The following NT5DC2 variants were observed in gnomAD, a reference collection of about 807,000 sequenced individuals.
NT5DC2 encodes 5'-nucleotidase domain containing 2.
Under a neutral mutation model 70.0 loss-of-function variants are expected in NT5DC2, and 41 were observed. That is an observed-to-expected ratio of 0.59 (90% CI 0.46 to 0.76). NT5DC2 has a LOEUF of 0.76. NT5DC2 is among the 30% of genes least tolerant of loss of function. The pLI is 0.00. For missense variants in NT5DC2, 705 were observed against 783.2 expected (o/e 0.90, Z 1.19); for synonymous variants, 299 against 310.4 (o/e 0.96, Z 0.39).
rs558123459 is a variant in NT5DC2 at position 52,529,788 on chromosome 3, C to T, written c.233-454G>A. 115 of 196,146 alleles carry T rather than the reference C, an allele frequency of 5.9e-4. No homozygotes were observed. In the Middle Eastern group the frequency reaches 0.012, roughly 20 times the overall value. The allele number at this position is 196,146 out of a possible 1,614,324, so 12.2% of individuals were successfully genotyped here. On this transcript the variant is annotated intron_variant, in intron 1 of 13. Coordinates refer to ENST00000422318, the MANE Select transcript of NT5DC2 (RefSeq NM_001134231.2). This position sits in a 1 kb window ranked among gnomAD's most constrained non-coding sequence, Gnocchi z 4.1. ...AAAACCCGTGCAGGAACACCACTGT[C>T]TGGCCCCCCACAATTCAGCGCCTCC...
In NT5DC2 at chr3:52,524,834, T is replaced by C. The variant is rs1031463793; in HGVS notation, c.1395A>G (p.Lys465=). 3 of 1,612,638 alleles carry C rather than the reference T, an allele frequency of 1.9e-6. No homozygotes were observed. The highest frequency in any genetic ancestry group is 2.2e-5 in the East Asian group (1 of 44,870). The part of the protein sequence containing the change: ...ESRQVLAAWM[K]ERQELRCITK... ...CTGCTCACCTCAGCTCCTGCCGCTC[T>C]TTCATCCAGGCAGCCAGCACCTGCC... The change falls in exon 13 of 14, where the codon AAA becomes AAG. Residue 465 remains lysine (K), a synonymous_variant. Transcript: ENST00000422318.
Position 52,528,323 on chromosome 3 carries a change from G to T in NT5DC2, c.643-12C>A, listed in dbSNP as rs2079310430. ...TTAATGGAGGGACCCTGGGGAGGGG[G>T]CCATTGTCTCAGACACCCTTTGGGA... On this transcript the variant is annotated splice_polypyrimidine_tract_variant and intron_variant, in intron 5 of 13. Coordinates refer to ENST00000422318, the MANE Select transcript of NT5DC2 (RefSeq NM_001134231.2). 2 of 1,613,170 alleles carry T rather than the reference G, an allele frequency of 1.2e-6. No individual in the cohort carries two copies. Among genetic ancestry groups the T allele is most frequent in the East Asian group, 2.2e-5 (1 of 44,890 alleles).
rs1392854580 is a variant in NT5DC2 at position 52,531,563 on chromosome 3, G to A, written c.232+1943C>T. Among the ~76,000 whole-genome samples the A allele has an allele frequency of 2.6e-5, 4 of 151,920 alleles. No homozygotes were observed. Among genetic ancestry groups the A allele is most frequent in the Non-Finnish European group, 5.9e-5 (4 of 67,970 alleles). The stretch of plus-strand genomic sequence containing the variant: ...GGCAGACAGTCCTCCCAGGAACAAA[G>A]CAGGATGTGGAAACAGCCACAGGGC... On this transcript the variant is annotated intron_variant, in intron 1 of 13. Transcript: ENST00000422318. The surrounding 1 kb of genome is among the most constrained non-coding windows in gnomAD (Gnocchi z 4.1).
At chr3:52,526,170 C>G (rs1341467552) in intron 10 of NT5DC2, 1 of 152,354 alleles carries the variant, frequency 6.6e-6, no homozygotes, top group East Asian at 1.9e-4. Context: ...AGGTGTATGA[C>G]CCTCTTTAGC....
At position 52,524,968 on chromosome 3, in the gene NT5DC2, T is replaced by A. The variant is rs773763932; in HGVS notation, c.1342A>T (p.Met448Leu). 7.4e-6 allele frequency: 12 copies of A among 1,612,004 alleles called. No individual in the cohort carries two copies. Among genetic ancestry groups the A allele is most frequent in the Non-Finnish European group, 8.5e-6 (10 of 1,179,712 alleles). ...ACAGCCACCCCGGCCCACACCTGCA[T>A]GCGCTCCAGCAGCCCCGTGAGCGCC... ...QQALTGLLERMQTYQDAESRQ... is the reference protein window; with the variant it reads ...QQALTGLLERLQTYQDAESRQ... The change falls in exon 12 of 14, where the codon ATG (methionine) becomes TTG (leucine). Residue 448 changes from methionine to leucine, a missense_variant. Coordinates refer to ENST00000422318, the MANE Select transcript of NT5DC2 (RefSeq NM_001134231.2).
intron 10 of NT5DC2, among the ~76,000 whole-genome samples, chr3:52,526,653 G>C (rs187735806): frequency 6.6e-6 from 1 of 152,184 alleles, no homozygotes; most frequent in Non-Finnish European, 1.5e-5. Context: ...GGCATTTCAC[G>C]ATCTCTGACC....
rs1350059481 is a variant in NT5DC2 at position 52,528,076 on chromosome 3, G to C, written c.772-3C>G. The C allele has an allele frequency of 6.2e-7, 1 of 1,612,492 alleles. No individual in the cohort carries two copies. The highest frequency in any genetic ancestry group is 2.2e-5 in the East Asian group (1 of 44,862). ...ACATGCACGTCTCGGATGGCGTCCT[G>C]GGGGCAGTGGAGGACAATGAGGGTA... On this transcript the variant is annotated splice_polypyrimidine_tract_variant and splice_region_variant and intron_variant, in intron 6 of 13. Coordinates refer to ENST00000422318, the MANE Select transcript of NT5DC2 (RefSeq NM_001134231.2).
In NT5DC2 at chr3:52,528,276, C is replaced by G. The variant is rs749231831; in HGVS notation, c.678G>C (p.Ser226=). 1 of 1,613,264 alleles carries G rather than the reference C, an allele frequency of 6.2e-7. No homozygotes were observed. The highest frequency in any genetic ancestry group is 1.1e-5 in the South Asian group (1 of 91,088). Residue 226 remains serine, a synonymous_variant, in exon 6 of 14, where the codon TCG becomes TCC. Transcript: ENST00000422318. ...PSIKQFMDIF[S]LPEMALLSCV... ...AGGACAGCAGAGCCATCTCCGGTAG[C>G]GAGAAGATGTCCATGAACTGCTTAA... is the stretch of plus-strand genomic sequence containing the variant.
intron 3 of NT5DC2, 26 bp downstream of exon 3, chr3:52,528,835 G>A (rs751327538): frequency 6.2e-7 from 1 of 1,610,836 alleles, no homozygotes; most frequent in East Asian, 2.2e-5. Flanking sequence ...CAAGGAGGGA[G>A]CCCCTATACA....
In NT5DC2 at chr3:52,528,660, G is replaced by A. The variant is rs770156553; in HGVS notation, c.525C>T (p.Tyr175=). 82 of 1,589,414 alleles carry A rather than the reference G, an allele frequency of 5.2e-5. No homozygotes were observed. Among genetic ancestry groups the A allele is most frequent in the Admixed American group, 4.4e-4 (25 of 56,560 alleles). The change falls in exon 4 of 14, where the codon TAC becomes TAT. Residue 175 remains tyrosine, a synonymous_variant. Coordinates refer to ENST00000422318, the MANE Select transcript of NT5DC2 (RefSeq NM_001134231.2). ...SLLMKIDAFH[Y]VQLGTAYRGL... is the part of the protein sequence containing the mutation. ...ACCTGTAGGCTGTCCCCAGCTGCAC[G>A]TAGTGGAAGGCGTCAATCTTCATCA...
chr3:52,533,495 G>T lies in NT5DC2; in HGVS notation c.232+11C>A. 1 of 1,496,542 alleles carries T rather than the reference G, an allele frequency of 6.7e-7. No individual in the cohort carries two copies. The allele number at this position is 1,496,542 out of a possible 1,614,324, so 92.7% of individuals were successfully genotyped here. ...GACACCCCGGCGCACGTCCCGCCCC[G>T]GCTCACCCACCGTGCACCAGTCTCC... On this transcript the variant is annotated intron_variant, in intron 1 of 13. Coordinates refer to ENST00000422318, the MANE Select transcript of NT5DC2 (RefSeq NM_001134231.2).
Position 52,531,286 on chromosome 3 carries a change from G to C in NT5DC2, c.233-1952C>G, listed in dbSNP as rs535580806. Among the ~76,000 whole-genome samples the C allele has an allele frequency of 3.3e-5, 5 of 152,332 alleles. No homozygotes were observed. The highest frequency in any genetic ancestry group is 5.9e-5 in the Non-Finnish European group (4 of 68,020). On this transcript the variant is annotated intron_variant, in intron 1 of 13. Transcript: ENST00000422318. This position sits in a 1 kb window ranked among gnomAD's most constrained non-coding sequence, Gnocchi z 4.1. ...GGAGTCTTCACTTGGATGCAAGTGA[G>C]ACAGTTGACTGCAACGCTCTAGGGA...
chr3:52,528,012 C>T lies in NT5DC2; in HGVS notation c.832+1G>A, dbSNP rs931381109. Reference sequence around the variant, plus strand: ...ACGGCAGGGCTTCTGTCCACACTTACCCATGTCCTGCTCGATCCACTGGTA... The same window carrying T: ...ACGGCAGGGCTTCTGTCCACACTTATCCATGTCCTGCTCGATCCACTGGTA... On this transcript the variant is annotated splice_donor_variant, in intron 7 of 13. Transcript: ENST00000422318. LOFTEE classifies it high-confidence loss of function. 1.2e-6 allele frequency: 2 copies of T among 1,612,472 alleles called. No homozygotes were observed. Among genetic ancestry groups the T allele is most frequent in the Non-Finnish European group, 1.7e-6 (2 of 1,179,610 alleles).
rs754075359 is a variant in NT5DC2 at position 52,524,550 on chromosome 3, C to T, written c.1594G>A (p.Glu532Lys). ...FYPRRTPLQH[E>K]APLWMDQLCT... The stretch of plus-strand genomic sequence containing the variant: ...AGCTGGTCCATCCAGAGGGGTGCCT[C>T]GTGCTGCAGCGGCGTACGGCGTGGG... Residue 532 changes from glutamate to lysine, a missense_variant, in exon 14 of 14, where the codon GAG becomes AAG. Coordinates refer to ENST00000422318, the MANE Select transcript of NT5DC2 (RefSeq NM_001134231.2). 9.9e-6 allele frequency: 16 copies of T among 1,613,122 alleles called. No homozygotes were observed. The highest frequency in any genetic ancestry group is 3.3e-5 in the South Asian group (3 of 91,088).
At position 52,533,489 on chromosome 3, in the gene NT5DC2, C is replaced by T. The variant is rs1327884046; in HGVS notation, c.232+17G>A. On this transcript the variant is annotated intron_variant, in intron 1 of 13. Coordinates refer to ENST00000422318, the MANE Select transcript of NT5DC2 (RefSeq NM_001134231.2). ...GCGGAAGACACCCCGGCGCACGTCC[C>T]GCCCCGGCTCACCCACCGTGCACCA... 1 of 1,495,416 alleles carries T rather than the reference C, an allele frequency of 6.7e-7. No individual in the cohort carries two copies. The allele number at this position is 1,495,416 out of a possible 1,614,324, so 92.6% of individuals were successfully genotyped here.
rs764118430 is a variant in NT5DC2, at chr3:52,528,184, G to A, written c.770C>T (p.Thr257Met). Reference sequence around the variant, plus strand: ...CGAGGGCAGGCCCAGCATCCTCACCGTCACGTCCTTGTAGAGATGTGCTTG... The same window carrying A: ...CGAGGGCAGGCCCAGCATCCTCACCATCACGTCCTTGTAGAGATGTGCTTG... ...FDQAHLYKDV[T>M]DAIRDVHVKG... Residue 257 changes from threonine to methionine, a missense_variant and splice_region_variant, in exon 6 of 14, where the codon ACG becomes ATG. Transcript: ENST00000422318. The A allele has an allele frequency of 1.2e-5, 20 of 1,613,044 alleles. No homozygotes were observed. In the South Asian group the frequency reaches 1.4e-4, roughly 12 times the overall value.
At chr3:52,533,115 G>C (rs954191620) in intron 1 of NT5DC2, among the ~76,000 whole-genome samples, 4 of 151,892 alleles carry the variant, frequency 2.6e-5, no homozygotes, top group South Asian at 2.1e-4. Context: ...GGCGCCGCTC[G>C]CTGGCTTTGT....
rs761254222 is a variant in NT5DC2 at position 52,524,802 on chromosome 3, G to A, written c.1412+15C>T. 1.2e-6 allele frequency: 2 copies of A among 1,612,466 alleles called. No individual in the cohort carries two copies. Among genetic ancestry groups the A allele is most frequent in the Non-Finnish European group, 1.7e-6 (2 of 1,179,974 alleles). On this transcript the variant is annotated intron_variant, in intron 13 of 13. Coordinates refer to ENST00000422318, the MANE Select transcript of NT5DC2 (RefSeq NM_001134231.2). The stretch of plus-strand genomic sequence containing the variant: ...TGGCTTGGCTGGGACTCCTGCCCTG[G>A]CCCCACCTGCTCACCTCAGCTCCTG...
chr3:52,533,373 C>T, intron 1 of NT5DC2, 133 bp downstream of exon 1: 1 of 993,744 alleles, frequency 1.0e-6, no homozygotes, highest in Non-Finnish European at 1.4e-6. Flanking sequence ...GAAAAGCCGC[C>T]CGGCCCTTGC....
Sources: gnomAD v4.1 joint callset for allele counts (sites outside exome capture counted in the v4.1 genomes callset) on GRCh38, gnomAD v4.1.1 for gene constraint, Gnocchi (gnomAD v3.1) non-coding constraint, MANE v1.5 for transcripts, NCBI Gene and HGNC (gene_info 2026-07-23, HGNC 2026-07-21) for gene names.